The following GRID2 variants were observed in gnomAD, a reference collection of about 807,000 sequenced individuals.
GRID2 encodes the protein glutamate ionotropic receptor delta type subunit 2.
Under a neutral mutation model 114.8 loss-of-function variants are expected in GRID2, and 33 were observed. That is an observed-to-expected ratio of 0.29 (90% confidence interval 0.22 to 0.38). The LOEUF (loss-of-function observed/expected upper bound fraction) is 0.38, where lower values mean the gene tolerates loss of function less well. GRID2 is among the 10% of genes least tolerant of loss of function. GRID2 has a pLI of 1.00. For synonymous variants in GRID2, 505 were observed against 449.9 expected (o/e 1.12, Z -1.55); for missense variants, 1,184 against 1,257.7 (o/e 0.94, Z 0.89).
chr4:93,114,243 G>A (rs1188525419), intron 4 of GRID2, among the ~76,000 whole-genome samples: 1 of 152,016 alleles, frequency 6.6e-6, no homozygotes, highest in Admixed American at 6.6e-5. Context: ...TTGCTTCAAA[G>A]GTAGACAGAA....
chr4:93,478,443 T>C (rs1475483378), intron 11 of GRID2, among the ~76,000 whole-genome samples: 1 of 151,970 alleles, frequency 6.6e-6, no homozygotes, highest in Non-Finnish European at 1.5e-5. Context: ...CGTCTCCTTC[T>C]GTAGGAAGTT....
At chr4:93,554,730 T>C (rs1181044804) in intron 13 of GRID2, among the ~76,000 whole-genome samples, 1 of 152,182 alleles carries the variant, frequency 6.6e-6, no homozygotes, top group Non-Finnish European at 1.5e-5. Flanking sequence ...GCCTCAGTTA[T>C]GACTGCAGGT....
intron 4 of GRID2, among the ~76,000 whole-genome samples, chr4:93,178,897 C>G (rs1739624421): frequency 6.6e-6 from 1 of 152,054 alleles, no homozygotes; most frequent in East Asian, 1.9e-4. Context: ...GTGAGGGTAG[C>G]CCAAAGTAAC....
chr4:92,710,513 C>G (rs1735194844), intron 2 of GRID2, among the ~76,000 whole-genome samples: 2 of 152,196 alleles, frequency 1.3e-5, no homozygotes, highest in Non-Finnish European at 2.9e-5. Flanking sequence ...GGAATGCTCT[C>G]AACTTTTGCC....
At chr4:93,178,958 A>C (rs1165749634) in intron 4 of GRID2, among the ~76,000 whole-genome samples, 1 of 152,066 alleles carries the variant, frequency 6.6e-6, no homozygotes, top group Non-Finnish European at 1.5e-5. Flanking sequence ...CCTAGGGTAT[A>C]AGTCAAGATT....
At chr4:93,061,354 C>T (rs1020843986) in intron 2 of GRID2, among the ~76,000 whole-genome samples, 2 of 151,490 alleles carry the variant, frequency 1.3e-5, no homozygotes, top group Non-Finnish European at 2.9e-5. Context: ...TGGGGACCAG[C>T]GGCTAGATAG....
At chr4:92,763,391 C>G (rs547660834) in intron 2 of GRID2, among the ~76,000 whole-genome samples, 2 of 152,220 alleles carry the variant, frequency 1.3e-5, no homozygotes, top group African/African-American at 4.8e-5. Context: ...TCCTCCATAT[C>G]CCCAGGTTCT....
At chr4:93,724,400 G>A (rs1729655744) in intron 14 of GRID2, among the ~76,000 whole-genome samples, 1 of 152,038 alleles carries the variant, frequency 6.6e-6, no homozygotes, top group African/African-American at 2.4e-5. Context: ...TTCATAGGTA[G>A]TTACTTATTA....
intron 1 of GRID2, among the ~76,000 whole-genome samples, chr4:92,516,756 C>G (rs1457022609): frequency 6.6e-6 from 1 of 151,868 alleles, no homozygotes; most frequent in Non-Finnish European, 1.5e-5. Flanking sequence ...AGGCTTCCTG[C>G]AGTGTAAATT....
At chr4:92,971,509 A>C (rs1753518277) in intron 2 of GRID2, among the ~76,000 whole-genome samples, 1 of 152,010 alleles carries the variant, frequency 6.6e-6, no homozygotes, top group East Asian at 1.9e-4. Flanking sequence ...TTACATAGCC[A>C]TCAACTCAAA....
chr4:93,090,744 G>A (rs1376151121), intron 3 of GRID2, among the ~76,000 whole-genome samples: 2 of 152,208 alleles, frequency 1.3e-5, no homozygotes, highest in East Asian at 3.9e-4. Context: ...CAGAAGGGTG[G>A]TAATCTTCAT....
At chr4:92,387,864 A>C (rs1730049183) in intron 1 of GRID2, among the ~76,000 whole-genome samples, 1 of 152,028 alleles carries the variant, frequency 6.6e-6, no homozygotes, top group Admixed American at 6.6e-5. Context: ...TTGCCAGCCA[A>C]ATTAGCTAAA....
intron 2 of GRID2, among the ~76,000 whole-genome samples, chr4:92,685,002 C>T (rs547091538): frequency 1.8e-4 from 28 of 152,012 alleles, no homozygotes; most frequent in African/African-American, 6.3e-4. Context: ...TGTAGTTAAA[C>T]CCAATTATAT....
chr4:92,701,108 T>C (rs1734656896), intron 2 of GRID2, among the ~76,000 whole-genome samples: 1 of 152,268 alleles, frequency 6.6e-6, no homozygotes, highest in African/African-American at 2.4e-5. Flanking sequence ...GATTTAACCT[T>C]GGGGAGGTGA....
intron 5 of GRID2, among the ~76,000 whole-genome samples, chr4:93,207,759 C>T (rs1742983731): frequency 6.6e-6 from 1 of 151,920 alleles, no homozygotes; most frequent in South Asian, 2.1e-4. Context: ...ACTTTGTAAG[C>T]AAAGTAAACT....
intron 13 of GRID2, among the ~76,000 whole-genome samples, chr4:93,535,868 G>T (rs936743957): frequency 6.6e-6 from 1 of 151,954 alleles, no homozygotes; most frequent in South Asian, 2.1e-4. Context: ...TCTGTTGATT[G>T]TTTCCTTTGA....
At chr4:92,958,935 G>T (rs1376598086) in intron 2 of GRID2, among the ~76,000 whole-genome samples, 1 of 151,660 alleles carries the variant, frequency 6.6e-6, no homozygotes, top group Non-Finnish European at 1.5e-5. Context: ...TTTCAACTAG[G>T]TTATCAAATT....
At chr4:92,307,209 G>C (rs1579152714) in intron 1 of GRID2, among the ~76,000 whole-genome samples, 1 of 152,026 alleles carries the variant, frequency 6.6e-6, no homozygotes, top group African/African-American at 2.4e-5. Context: ...ATTTTCTTTA[G>C]GAGGTGTTGC....
intron 14 of GRID2, among the ~76,000 whole-genome samples, chr4:93,651,604 T>A (rs1351919988): frequency 6.6e-6 from 1 of 152,028 alleles, no homozygotes; most frequent in Non-Finnish European, 1.5e-5. Flanking sequence ...ACACTACGAG[T>A]CTAATATGAA....
Sources: allele counts gnomAD v4.1 joint callset (sites outside exome capture counted in the v4.1 genomes callset), GRCh38; gene constraint gnomAD v4.1.1; transcripts MANE v1.5; gene names NCBI Gene and HGNC (gene_info 2026-07-23, HGNC 2026-07-21).